SEMA5B: variants seen among roughly 807,000 people sequenced by gnomAD.
The protein encoded by SEMA5B is semaphorin-5B.
SEMA5B carries 66 observed loss-of-function variants against 135.0 expected under a neutral mutation model. That is an observed-to-expected ratio of 0.49 (90% CI 0.40 to 0.60). The LOEUF (loss-of-function observed/expected upper bound fraction) is 0.60. SEMA5B is among the 20% of genes least tolerant of loss of function. The pLI is 0.00. For synonymous variants in SEMA5B, 690 were observed against 639.5 expected, an observed-to-expected ratio of 1.08 and a Z score of -1.19; for missense variants, 1,501 against 1,566.3, an observed-to-expected ratio of 0.96 and a Z score of 0.70.
intron 12 of SEMA5B, among the ~76,000 whole-genome samples, chr3:122,920,939 G>A (rs1006215091): frequency 6.6e-6 from 1 of 152,200 alleles, no homozygotes; most frequent in African/African-American, 2.4e-5. Flanking sequence ...GTGGTGTCTC[G>A]CTGATGGAGA....
intron 1 of SEMA5B, among the ~76,000 whole-genome samples, chr3:122,965,694 A>G (rs2107621733): frequency 6.6e-6 from 1 of 152,338 alleles, no homozygotes; most frequent in African/African-American, 2.4e-5. Context: ...CATGCATCCA[A>G]AAGCATTCCT....
At chr3:122,915,687 T>C in intron 13 of SEMA5B, 66 bp from the exon 14 acceptor site, 1 of 1,602,852 alleles carries the variant, frequency 6.2e-7, no homozygotes, top group Non-Finnish European at 8.5e-7. Context: ...TCATAAGATC[T>C]CAGGGGATTG....
chr3:122,960,158 A>T (rs1334710780), intron 2 of SEMA5B, among the ~76,000 whole-genome samples: 2 of 152,194 alleles, frequency 1.3e-5, no homozygotes, highest in East Asian at 3.8e-4. Context: ...TTTTCTTGGG[A>T]TTTCCAGCAC....
At chr3:122,917,166 T>C (rs1938114104) in intron 12 of SEMA5B, among the ~76,000 whole-genome samples, 1 of 152,204 alleles carries the variant, frequency 6.6e-6, no homozygotes, top group Non-Finnish European at 1.5e-5. Context: ...TCCTGGGGGA[T>C]ACCTCGATCC....
At position 122,913,066 on chromosome 3, in the gene SEMA5B, G is replaced by C. The variant is rs1241736757; in HGVS notation, c.2507-5C>G. The C allele has an allele frequency of 1.4e-5, 21 of 1,496,844 alleles. No homozygotes were observed. Among genetic ancestry groups the C allele is most frequent in the Non-Finnish European group, 1.7e-5 (19 of 1,125,344 alleles). The allele number at this position is 1,496,844 out of a possible 1,614,324, so 92.7% of individuals were successfully genotyped here. A position where few individuals can be genotyped will look rare whatever the true frequency, so the allele number is the denominator to read the frequency against. On this transcript the variant is annotated splice_region_variant and splice_polypyrimidine_tract_variant and intron_variant, in intron 17 of 22. Coordinates refer to ENST00000357599, the MANE Select transcript of SEMA5B (RefSeq NM_001031702.4). The stretch of plus-strand genomic sequence containing the variant: ...GCAGGAGGACCTCCACCAGGGCTGC[G>C]GAGGGGCTAGGCCTCAGCGACTGGG...
Position 122,928,020 on chromosome 3 carries a change from G to T in SEMA5B, c.637-17C>A. ...GTTCCCCACCTGGGGACAATGGGGA[G>T]AAGGGGACACTTTTCCCTGAGGCCC... On this transcript the variant is annotated splice_polypyrimidine_tract_variant and intron_variant, in intron 7 of 22. Transcript: ENST00000357599. 1 of 1,442,368 alleles carries T rather than the reference G, an allele frequency of 6.9e-7. No individual in the cohort carries two copies. The highest frequency in any genetic ancestry group is 9.2e-7 in the Non-Finnish European group (1 of 1,089,458). 89.3% of individuals were successfully genotyped at this position (1,442,368 alleles called of 1,614,324 possible).
intron 1 of SEMA5B, among the ~76,000 whole-genome samples, chr3:122,986,955 G>A (rs1941719658): frequency 6.6e-6 from 1 of 152,116 alleles, no homozygotes; most frequent in South Asian, 2.1e-4. Flanking sequence ...CCGGGATTGT[G>A]GGGAAGAAGA....
chr3:122,910,606 G>A (rs1937634210), intron 22 of SEMA5B, among the ~76,000 whole-genome samples: 1 of 151,954 alleles, frequency 6.6e-6, no homozygotes, highest in Non-Finnish European at 1.5e-5. Flanking sequence ...TCAGGAGATC[G>A]AGACCATCCC....
chr3:122,964,949 C>A (rs996669837), intron 1 of SEMA5B, among the ~76,000 whole-genome samples: 1 of 152,162 alleles, frequency 6.6e-6, no homozygotes, highest in African/African-American at 2.4e-5. Flanking sequence ...TGAAACTGAG[C>A]AGAAACCAGG....
intron 1 of SEMA5B, among the ~76,000 whole-genome samples, chr3:122,965,860 G>A (rs951376422): frequency 6.6e-6 from 1 of 152,242 alleles, no homozygotes; most frequent in Non-Finnish European, 1.5e-5. Flanking sequence ...GAACTGGAAA[G>A]CAGATAGTAG....
chr3:122,955,490 G>T (rs1940251886), intron 2 of SEMA5B, among the ~76,000 whole-genome samples: 1 of 152,092 alleles, frequency 6.6e-6, no homozygotes, highest in Non-Finnish European at 1.5e-5. Flanking sequence ...CATACAGTTT[G>T]GTTTCTCATA....
At position 122,985,274 on chromosome 3, in the gene SEMA5B, C is replaced by T. The variant is rs113338848; in HGVS notation, c.-38-23973G>A. On this transcript the variant is annotated intron_variant, in intron 1 of 22. Coordinates refer to ENST00000357599, the MANE Select transcript of SEMA5B (RefSeq NM_001031702.4). ...TTGAGAGGCCAAGGCAGGAGGATTG[C>T]TTCTAGCCAGGAGTTCAAGACCAGC... Among the ~76,000 whole-genome samples the T allele has an allele frequency of 2.3e-3, 344 of 152,276 alleles. 2 individuals carry two copies. Among genetic ancestry groups the T allele is most frequent in the African/African-American group, 8.0e-3 (332 of 41,556 alleles).
In SEMA5B at chr3:122,923,661, T is replaced by G; in HGVS notation, c.1228A>C (p.Arg410=). 6.2e-7 allele frequency: 1 copy of G among 1,614,048 alleles called. No individual in the cohort carries two copies. Among genetic ancestry groups the G allele is most frequent in the Non-Finnish European group, 8.5e-7 (1 of 1,179,936 alleles). ...NGPFRYQENP[R]AAWLPIANPI... ...TTGGCTATGGGGAGCCAGGCAGCCC[T>G]GGGGTTCTCCTGGTAGCGAAATGGG... Residue 410 remains arginine, a synonymous_variant, in exon 10 of 23, where the codon AGG becomes CGG. Transcript: ENST00000357599.
chr3:123,017,579 T>A (rs1257320218), intron 1 of SEMA5B, among the ~76,000 whole-genome samples: 1 of 152,206 alleles, frequency 6.6e-6, no homozygotes, highest in African/African-American at 2.4e-5. Flanking sequence ...TGTCTCCAAC[T>A]GTAGCATGCA....
Position 122,915,573 on chromosome 3 carries a change from GC to G in SEMA5B, c.1854del (p.Trp618CysfsTer168). The G allele has an allele frequency of 6.2e-7, 1 of 1,614,036 alleles. No individual in the cohort carries two copies. Among genetic ancestry groups the G allele is most frequent in the Non-Finnish European group, 8.5e-7 (1 of 1,179,932 alleles). On this transcript the variant is annotated frameshift_variant, in exon 14 of 23. Transcript: ENST00000357599. LOFTEE classifies it high-confidence loss of function. ...TCCCCATCCAAGTGCTCACATGGTT[GC>G]CATGGTGACCATGGGCCGAAGCCCC... ...RDGGFGPWSP[W>X]QPCEHLDGDN...
chr3:122,984,695 A>G (rs1941641332), intron 1 of SEMA5B, among the ~76,000 whole-genome samples: 1 of 152,230 alleles, frequency 6.6e-6, no homozygotes, highest in Non-Finnish European at 1.5e-5. Flanking sequence ...CCCATGTAAC[A>G]AGCATGCACA....
At chr3:122,931,341 C>G (rs1411121527) in intron 5 of SEMA5B, among the ~76,000 whole-genome samples, 1 of 152,148 alleles carries the variant, frequency 6.6e-6, no homozygotes, top group Non-Finnish European at 1.5e-5. Flanking sequence ...CGTAACATTT[C>G]CCATCTCCCC....
chr3:122,948,673 G>T lies in SEMA5B; in HGVS notation c.161C>A (p.Ala54Glu), dbSNP rs1939908236. 1 of 1,611,400 alleles carries T rather than the reference G, an allele frequency of 6.2e-7. No homozygotes were observed. The highest frequency in any genetic ancestry group is 2.2e-5 in the East Asian group (1 of 44,762). ...LPCLPPGART[A>E]EGPIMVLAGP... is the part of the protein sequence containing the mutation. ...TGCAAGCACCATGATAGGCCCCTCTGCAGTCCTAGCTCCGGGAGGCAGACA... is the reference window on the plus strand; with the variant it reads ...TGCAAGCACCATGATAGGCCCCTCTTCAGTCCTAGCTCCGGGAGGCAGACA... The change falls in exon 3 of 23, where the codon GCA (alanine) becomes GAA (glutamate). Residue 54 changes from alanine to glutamate, a missense_variant. Physicochemically the swap from Ala to Glu is moderately radical, Grantham distance 107 (BLOSUM62 -1). Around this residue, in one of 2 missense-constraint regions of SEMA5B, gnomAD observed 574 missense variants for 684.7 expected, o/e 0.84. Coordinates refer to ENST00000357599, the MANE Select transcript of SEMA5B (RefSeq NM_001031702.4).
At chr3:123,022,947 T>C (rs985856829) in intron 1 of SEMA5B, among the ~76,000 whole-genome samples, 3 of 152,224 alleles carry the variant, frequency 2.0e-5, no homozygotes, top group Non-Finnish European at 4.4e-5. Flanking sequence ...AAGGAGAGTA[T>C]TGGAGGAGAT....
Sources: gnomAD v4.1 joint callset for allele counts (sites outside exome capture counted in the v4.1 genomes callset) on GRCh38, gnomAD v4.1.1 for gene constraint, gnomAD v4.1.1 regional missense constraint, MANE v1.5 for transcripts, NCBI Gene and HGNC (gene_info 2026-07-23, HGNC 2026-07-21) for gene names.